Variants in SAMD8 observed in about 807,000 individuals in gnomAD.
The protein encoded by SAMD8 is sterile alpha motif domain containing 8, also known as sphingomyelin synthase-related protein 1.
SAMD8 carries 20 observed loss-of-function variants against 42.0 expected under a neutral mutation model. The observed-to-expected ratio is 0.48, with a 90% confidence interval of 0.34 to 0.69. The LOEUF is 0.69. Among genes scored for constraint, SAMD8 ranks in the 30% least tolerant of loss-of-function variants. The pLI is 0.01. For synonymous variants in SAMD8, 162 were observed against 173.0 expected (o/e 0.94, Z 0.50); for missense variants, 328 against 511.6 (o/e 0.64, Z 3.46).
chr10:75,160,307 C>G (rs1262216793), intron 2 of SAMD8, among the ~76,000 whole-genome samples: 1 of 152,052 alleles, frequency 6.6e-6, no homozygotes, highest in Non-Finnish European at 1.5e-5. Flanking sequence ...CGCCATTCTC[C>G]TGCCTCAGCC....
At chr10:75,164,787 A>T (rs1840637647) in intron 3 of SAMD8, 47 bp downstream of exon 3, 1 of 1,298,536 alleles carries the variant, frequency 7.7e-7, no homozygotes, top group East Asian at 2.3e-5. Flanking sequence ...TGACTCCTGT[A>T]TCAAGATCAT....
At chr10:75,162,251 C>G (rs1439701325) in intron 2 of SAMD8, among the ~76,000 whole-genome samples, 3 of 152,020 alleles carry the variant, frequency 2.0e-5, no homozygotes, top group Non-Finnish European at 4.4e-5. Context: ...CCCAGCAACG[C>G]GGGAGACTGA....
In SAMD8 at chr10:75,176,469, A is replaced by G. The variant is rs1840992879; in HGVS notation, c.1025A>G (p.His342Arg). The change falls in exon 6 of 6, where the codon CAT (histidine) becomes CGT (arginine). Residue 342 changes from histidine (H) to arginine (R), a missense_variant. His to Arg is a conservative substitution (Grantham distance 29). Coordinates refer to ENST00000542569, the MANE Select transcript of SAMD8 (RefSeq NM_001174156.2). This position sits in a 1 kb window ranked among gnomAD's most constrained non-coding sequence, Gnocchi z 4.3. ...LFGIFFILAA[H>R]EHYSIDVFIA... ...GGAATCTTCTTCATCTTGGCTGCCC[A>G]TGAACATTATTCTATTGATGTGTTT... 6.4e-7 allele frequency: 1 copy of G among 1,551,456 alleles called. No individual in the cohort carries two copies. The highest frequency in any genetic ancestry group is 8.7e-7 in the Non-Finnish European group (1 of 1,147,180).
intron 2 of SAMD8, among the ~76,000 whole-genome samples, chr10:75,159,057 C>CTTTTTCT (rs1239299881): frequency 5.1e-5 from 6 of 118,064 alleles, no homozygotes; most frequent in African/African-American, 1.9e-4. Context: ...ATTTTTTTTT[C>CTTTTTCT]TTTTTCTTTT....
At chr10:75,140,476 C>G (rs561708851) in intron 1 of SAMD8, among the ~76,000 whole-genome samples, 66 of 152,276 alleles carry the variant, frequency 4.3e-4, no homozygotes, top group Middle Eastern at 6.8e-3. Context: ...GTAATCCCAC[C>G]TAATCATGGG....
intron 2 of SAMD8, among the ~76,000 whole-genome samples, chr10:75,160,348 C>G (rs1324842985): frequency 6.6e-6 from 1 of 150,984 alleles, no homozygotes; most frequent in Non-Finnish European, 1.5e-5. Context: ...AGGCGCCCGC[C>G]ACCACGCCAG....
At chr10:75,127,428 C>A (rs551646525) in intron 1 of SAMD8, among the ~76,000 whole-genome samples, 79 of 152,226 alleles carry the variant, frequency 5.2e-4, no homozygotes, top group Middle Eastern at 3.4e-3. Flanking sequence ...GGGAACTTAA[C>A]CCATTTATAT....
At chr10:75,158,021 TG>T (rs1426208143) in intron 2 of SAMD8, among the ~76,000 whole-genome samples, 7 of 151,382 alleles carry the variant, frequency 4.6e-5, no homozygotes, top group Admixed American at 3.9e-4. Flanking sequence ...TAGCCAGGCA[TG>T]GTGGTGCATG....
chr10:75,122,043 G>A (rs1849016543), intron 1 of SAMD8, among the ~76,000 whole-genome samples: 1 of 152,130 alleles, frequency 6.6e-6, no homozygotes, highest in South Asian at 2.1e-4. Flanking sequence ...GCTTCAAACA[G>A]TGAAAAATAA....
Position 75,174,768 on chromosome 10 carries a change from TGTAAAGCAGTTGTCACTC to T in SAMD8, c.793-1297_793-1280del, listed in dbSNP as rs897792083. Among the ~76,000 whole-genome samples, 177 of 152,174 alleles carry T rather than the reference TGTAAAGCAGTTGTCACTC, an allele frequency of 1.2e-3. 1 individual carries two copies. Among genetic ancestry groups the T allele is most frequent in the African/African-American group, 4.2e-3 (174 of 41,512 alleles). ...TTTTTTTAAGTGACTGTCCCTCTTTTGTAAAGCAGTTGTCACTCAAGGTCTTCCTCAAAATGGACTGCT... is the reference window on the plus strand; with the variant it reads ...TTTTTTTAAGTGACTGTCCCTCTTTTAAGGTCTTCCTCAAAATGGACTGCT... On this transcript the variant is annotated intron_variant, in intron 4 of 5. Transcript: ENST00000542569.
At chr10:75,145,632 C>T (rs1044135131) in intron 1 of SAMD8, among the ~76,000 whole-genome samples, 1 of 152,160 alleles carries the variant, frequency 6.6e-6, no homozygotes, top group African/African-American at 2.4e-5. Flanking sequence ...TCAATAGCAG[C>T]ACCATGGCAT....
rs1007363080 is a variant in SAMD8, at chr10:75,099,684, G to A, written c.-60G>A. On this transcript the variant is annotated 5_prime_UTR_variant, in exon 1 of 4. Coordinates refer to the SAMD8 transcript ENST00000447533. ...TGGTATCTGTTTGGGATTGAAGACC[G>A]TTGGTTCCATAAACCTCCATGAAGA... 9 of 534,082 alleles carry A rather than the reference G, an allele frequency of 1.7e-5. No homozygotes were observed. In the Admixed American group the frequency reaches 2.3e-4, roughly 14 times the overall value. The allele number at this position is 534,082 out of a possible 1,614,324, so 33.1% of individuals were successfully genotyped here.
chr10:75,167,225 C>T (rs895645486), intron 3 of SAMD8, among the ~76,000 whole-genome samples: 3 of 152,038 alleles, frequency 2.0e-5, no homozygotes, highest in South Asian at 2.1e-4. Context: ...AATGAGTATT[C>T]GATAGCTACT....
At chr10:75,128,838 C>CT (rs1169578076) in intron 1 of SAMD8, among the ~76,000 whole-genome samples, 2 of 152,028 alleles carry the variant, frequency 1.3e-5, no homozygotes, top group African/African-American at 2.4e-5. Context: ...AAAAGATTTG[C>CT]TTTTTTATCC....
At chr10:75,119,866 G>C (rs1848965288) in intron 1 of SAMD8, among the ~76,000 whole-genome samples, 1 of 152,210 alleles carries the variant, frequency 6.6e-6, no homozygotes, top group African/African-American at 2.4e-5. Context: ...AGGAGTTCAA[G>C]ACCAGCCTGG....
At chr10:75,148,877 C>T (rs570774901) in intron 1 of SAMD8, among the ~76,000 whole-genome samples, 18 of 152,186 alleles carry the variant, frequency 1.2e-4, no homozygotes, top group African/African-American at 4.3e-4. Context: ...AAAGTTTAAT[C>T]TAACATATAT....
At chr10:75,164,888 T>G (rs1840639074) in intron 3 of SAMD8, 148 bp downstream of exon 3, 1 of 639,816 alleles carries the variant, frequency 1.6e-6, no homozygotes, top group Non-Finnish European at 2.7e-6. Flanking sequence ...TTGAGTTTGA[T>G]CAGTAAGAGT....
intron 4 of SAMD8, among the ~76,000 whole-genome samples, chr10:75,172,261 A>G (rs193218975): frequency 2.4e-4 from 37 of 152,266 alleles, no homozygotes; most frequent in African/African-American, 8.9e-4. Flanking sequence ...TCAAAATAGT[A>G]TGCTGTGTAC....
intron 1 of SAMD8, among the ~76,000 whole-genome samples, chr10:75,115,940 CAAA>C (rs35416435): frequency 7.3e-5 from 5 of 68,856 alleles, no homozygotes; most frequent in South Asian, 5.0e-4. Context: ...GACTCCGTCT[CAAA>C]AAAAAAAAAA....
Sources: allele counts gnomAD v4.1 joint callset (sites outside exome capture counted in the v4.1 genomes callset), GRCh38; gene constraint gnomAD v4.1.1; non-coding constraint Gnocchi (gnomAD v3.1); transcripts MANE v1.5; gene names NCBI Gene and HGNC (gene_info 2026-07-23, HGNC 2026-07-21).